ALG1: variants seen among roughly 807,000 people sequenced by gnomAD.
ALG1 encodes the protein chitobiosyldiphosphodolichol beta-mannosyltransferase.
ALG1 carries 58 observed loss-of-function variants against 55.1 expected under a neutral mutation model. That is an observed-to-expected ratio of 1.05 (90% confidence interval 0.85 to 1.31). The LOEUF is 1.31. Ranked by LOEUF, ALG1 falls within the 50% of genes most tolerant of loss-of-function variation. The pLI is 0.00. For missense variants in ALG1, 761 were observed against 598.6 expected, an observed-to-expected ratio of 1.27 and a Z score of -2.83; for synonymous variants, 309 against 247.0, an observed-to-expected ratio of 1.25 and a Z score of -2.35.
At position 5,072,937 on chromosome 16, in the gene ALG1, T is replaced by C. The variant is rs769870335; in HGVS notation, c.209-14T>C. 3 of 1,612,120 alleles carry C rather than the reference T, an allele frequency of 1.9e-6. No homozygotes were observed. The highest frequency in any genetic ancestry group is 2.5e-6 in the Non-Finnish European group (3 of 1,178,150). On this transcript the variant is annotated splice_polypyrimidine_tract_variant and intron_variant, in intron 1 of 12. Transcript: ENST00000262374. Reference sequence around the variant, plus strand: ...TGCTTCTGGTACATTAAAGGGATCATTCTCATTTTTCAGACTCCAAACCCC... The same window carrying C: ...TGCTTCTGGTACATTAAAGGGATCACTCTCATTTTTCAGACTCCAAACCCC...
In ALG1 at chr16:5,071,987, CCCCCGTATG is replaced by C; in HGVS notation, c.140_148del (p.Pro47_Met49del). On this transcript the variant is annotated inframe_deletion, in exon 1 of 13. Transcript: ENST00000262374. ...TGGTGCTGGGCGACGTGGGCCGCAG[CCCCCGTATG>C]CAGTACCACGCGCTGTCGTTGGCCA... is the stretch of plus-strand genomic sequence containing the variant. The C allele has an allele frequency of 6.3e-7, 1 of 1,596,002 alleles. No homozygotes were observed.
chr16:5,072,011 G>T lies in ALG1; in HGVS notation c.162G>T (p.Leu54=), dbSNP rs2142698659. ...GRSPRMQYHA[L]SLAMHGFSVT... ...GCCCCCGTATGCAGTACCACGCGCT[G>T]TCGTTGGCCATGCACGGCTTCTCGG... is the stretch of plus-strand genomic sequence containing the variant. The change falls in exon 1 of 13, where the codon CTG becomes CTT. Residue 54 remains leucine (L), a synonymous_variant. Coordinates refer to ENST00000262374, the MANE Select transcript of ALG1 (RefSeq NM_019109.5). 6.3e-7 allele frequency: 1 copy of T among 1,598,104 alleles called. No individual in the cohort carries two copies. The highest frequency in any genetic ancestry group is 8.5e-7 in the Non-Finnish European group (1 of 1,172,120).
chr16:5,081,089 C>T (rs1320230922), intron 10 of ALG1, 33 bp downstream of exon 10: 18 of 281,402 alleles, frequency 6.4e-5, no homozygotes, highest in African/African-American at 2.4e-4. Flanking sequence ...AGGGAGGAGG[C>T]GGGGGGAACA....
Position 5,077,976 on chromosome 16 carries a change from C to T in ALG1, c.699C>T (p.Leu233=), listed in dbSNP as rs754386350. 9 of 1,602,980 alleles carry T rather than the reference C, an allele frequency of 5.6e-6. No homozygotes were observed. The South Asian group carries it at 8.8e-5, about 16-fold the overall frequency. The change falls in exon 6 of 13, where the codon CTC becomes CTT. Residue 233 remains leucine, a synonymous_variant. Coordinates refer to ENST00000262374, the MANE Select transcript of ALG1 (RefSeq NM_019109.5). ...KETPLDLQHR[L]FMKLGSMHSP... is the part of the protein sequence containing the mutation. ...CACCTCTGGACCTGCAGCACCGGCT[C>T]TTCATGAAGCTGGGCAGCATGCACT...
At position 5,073,174 on chromosome 16, in the gene ALG1, A is replaced by G; in HGVS notation, c.308A>G (p.Tyr103Cys). 4 of 1,614,152 alleles carry G rather than the reference A, an allele frequency of 2.5e-6. No individual in the cohort carries two copies. The highest frequency in any genetic ancestry group is 3.4e-6 in the Non-Finnish European group (4 of 1,180,030). ...GCAGTTGGGCCCCGAGTTTTCCAGT[A>G]CGGAGTCAAAGTTGTACTTCAGGCT... ...SLAVGPRVFQYGVKVVLQAMY... is the reference protein window; with the variant it reads ...SLAVGPRVFQCGVKVVLQAMY... Residue 103 changes from tyrosine (Y) to cysteine (C), a missense_variant, in exon 3 of 13, where the codon TAC (tyrosine) becomes TGC (cysteine). By Grantham distance (194) the Tyr-to-Cys change is radical. Coordinates refer to ENST00000262374, the MANE Select transcript of ALG1 (RefSeq NM_019109.5).
chr16:5,075,053 C>T (rs1164222729), intron 3 of ALG1, among the ~76,000 whole-genome samples: 2 of 151,996 alleles, frequency 1.3e-5, no homozygotes, highest in African/African-American at 4.8e-5. Flanking sequence ...GCAGGTGTGT[C>T]CCACCACACC....
rs757427972 is a variant in ALG1, at chr16:5,077,923, G to T, written c.646G>T (p.Asp216Tyr). 1 of 1,608,066 alleles carries T rather than the reference G, an allele frequency of 6.2e-7. No homozygotes were observed. Among genetic ancestry groups the T allele is most frequent in the Non-Finnish European group, 8.5e-7 (1 of 1,179,832 alleles). ...TCATTGCAGGGCTGTGACCGTCTAC[G>T]ACAAGCCCGCATCTTTCTTTAAAGA... is the stretch of plus-strand genomic sequence containing the variant. ...NWHIRAVTVY[D>Y]KPASFFKETP... Residue 216 changes from aspartate to tyrosine, a missense_variant, in exon 6 of 13, where the codon GAC becomes TAC. Coordinates refer to ENST00000262374, the MANE Select transcript of ALG1 (RefSeq NM_019109.5).
In ALG1 at chr16:5,077,893, T is replaced by A; in HGVS notation, c.630-14T>A. 1.2e-6 allele frequency: 2 copies of A among 1,607,462 alleles called. No homozygotes were observed. The highest frequency in any genetic ancestry group is 1.7e-6 in the Non-Finnish European group (2 of 1,179,628). On this transcript the variant is annotated splice_polypyrimidine_tract_variant and intron_variant, in intron 5 of 12. Transcript: ENST00000262374. Reference sequence around the variant, plus strand: ...TTCAGCCCTCCCAATAGCCCCGTCATGATTTCATTGCAGGGCTGTGACCGT... The same window carrying A: ...TTCAGCCCTCCCAATAGCCCCGTCAAGATTTCATTGCAGGGCTGTGACCGT...
At chr16:5,072,245 T>C in intron 1 of ALG1, 188 bp downstream of exon 1, 1 of 1,499,834 alleles carries the variant, frequency 6.7e-7, no homozygotes, top group Non-Finnish European at 8.8e-7. Flanking sequence ...GCGTTAATCT[T>C]GCCACGTGTC....
At chr16:5,072,095 C>T (rs1956827095) in intron 1 of ALG1, 38 bp downstream of exon 1, 4 of 1,551,992 alleles carry the variant, frequency 2.6e-6, no homozygotes, top group East Asian at 2.4e-5. Context: ...GATGCTCTCT[C>T]AGCCGTTGAT....
chr16:5,082,472 C>G, intron 10 of ALG1, 87 bp from the exon 11 acceptor site: 1 of 1,432,610 alleles, frequency 7.0e-7, no homozygotes, highest in Non-Finnish European at 9.7e-7. Context: ...TTTCACTCTC[C>G]TTGGGGGATG....
In ALG1 at chr16:5,079,765, C is replaced by G. The variant is rs368735974; in HGVS notation, c.919C>G (p.Leu307Val). 1.1e-5 allele frequency: 17 copies of G among 1,611,626 alleles called. No individual in the cohort carries two copies. In the African/African-American group the frequency reaches 1.7e-4, roughly 16 times the overall value. ...AALEKFEQLT[L>V]DGHNLPSLVC... is the part of the protein sequence containing the mutation. ...AAACACAGAGTTTGAACAACTGACT[C>G]TTGATGGACACAACCTTCCTTCTCT... The change falls in exon 9 of 13, where the codon CTT becomes GTT. Residue 307 changes from leucine to valine, a missense_variant. Transcript: ENST00000262374.
intron 1 of ALG1, 42 bp downstream of exon 1, chr16:5,072,099 C>T (rs1024408169): frequency 1.2e-5 from 19 of 1,551,218 alleles, no homozygotes; most frequent in Non-Finnish European, 1.6e-5. Flanking sequence ...CTCTCTCAGC[C>T]GTTGATCCTC....
In ALG1 at chr16:5,073,017, A is replaced by G. The variant is rs761747926; in HGVS notation, c.275A>G (p.Gln92Arg). 3.1e-6 allele frequency: 5 copies of G among 1,614,210 alleles called. No homozygotes were observed. Among genetic ancestry groups the G allele is most frequent in the Non-Finnish European group, 4.2e-6 (5 of 1,180,026 alleles). ...CAGATTGTGGGGTTGACAGAACTTC[A>G]GAGTCTTGCAGGTAGGATGCCGTCA... ...RIQIVGLTELQSLAVGPRVFQ... is the reference protein window; with the variant it reads ...RIQIVGLTELRSLAVGPRVFQ... Residue 92 changes from glutamine to arginine, a missense_variant, in exon 2 of 13, where the codon CAG becomes CGG. Transcript: ENST00000262374.
chr16:5,080,978 C>T lies in ALG1; in HGVS notation c.994C>T (p.Leu332Phe), dbSNP rs1957007425. ...GCCTCTGAGGGAGTATTATAGCCGC[C>T]TCATCCACCAGAAGCACTTCCAGCA... ...KGPLREYYSRLIHQKHFQHIQ... is the reference protein window; with the variant it reads ...KGPLREYYSRFIHQKHFQHIQ... Residue 332 changes from leucine (L) to phenylalanine (F), a missense_variant, in exon 10 of 13, where the codon CTC (leucine) becomes TTC (phenylalanine). Transcript: ENST00000262374. 6.3e-7 allele frequency: 1 copy of T among 1,596,280 alleles called. No individual in the cohort carries two copies. The highest frequency in any genetic ancestry group is 8.5e-7 in the Non-Finnish European group (1 of 1,179,752).
At position 5,075,389 on chromosome 16, in the gene ALG1, AC is replaced by A. The variant is rs1956891800; in HGVS notation, c.398del (p.Pro133GlnfsTer59). The A allele has an allele frequency of 6.2e-7, 1 of 1,613,576 alleles. No homozygotes were observed. Among genetic ancestry groups the A allele is most frequent in the Non-Finnish European group, 8.5e-7 (1 of 1,179,860 alleles). On this transcript the variant is annotated frameshift_variant and splice_region_variant, in exon 4 of 13. Coordinates refer to ENST00000262374, the MANE Select transcript of ALG1 (RefSeq NM_019109.5). LOFTEE classifies it high-confidence loss of function. ...CCTTCAAGTCTCTATCTTTCCTAGA[AC>A]CCCCCAGGTCTGCCTAGCATTGCTG... ...REPGAYIFLQ[N>X]PPGLPSIAVC...
intron 3 of ALG1, among the ~76,000 whole-genome samples, chr16:5,074,727 C>T (rs1956877901): frequency 6.6e-6 from 1 of 152,110 alleles, no homozygotes; most frequent in Non-Finnish European, 1.5e-5. Context: ...TCAGTTTGGC[C>T]CCCGCTGAGT....
chr16:5,076,948 C>G lies in ALG1; in HGVS notation c.540-497C>G, dbSNP rs1204726942. 1.3e-5 allele frequency among the ~76,000 whole-genome samples: 2 copies of G among 152,180 alleles called. 1 individual carries two copies. Among genetic ancestry groups the G allele is most frequent in the South Asian group, 4.1e-4 (2 of 4,826 alleles). ...TAGCTGGGATTATAGGCACCCACCA[C>G]CACGCCTGGCTAATTTTTGTGTTTT... On this transcript the variant is annotated intron_variant, in intron 4 of 12. Coordinates refer to ENST00000262374, the MANE Select transcript of ALG1 (RefSeq NM_019109.5).
In ALG1 at chr16:5,072,071, G is replaced by GGTCT. The variant is rs35400794; in HGVS notation, c.208+16_208+19dup. Reference sequence around the variant, plus strand: ...TGGGGTTCTGCAGTGAGTGGCCAAGGGTCTGGGAGGGACGATGCTCTCTCA... The same window carrying GGTCT: ...TGGGGTTCTGCAGTGAGTGGCCAAGGGTCTGTCTGGGAGGGACGATGCTCTCTCA... On this transcript the variant is annotated intron_variant, in intron 1 of 12. Transcript: ENST00000262374. 879,574 of 1,557,476 alleles carry GGTCT rather than the reference G, an allele frequency of 0.56. 250,491 individuals are homozygous for GGTCT. The highest frequency in any genetic ancestry group is 0.68 in the South Asian group (57,815 of 84,840).
Sources: gnomAD v4.1 joint callset for allele counts (sites outside exome capture counted in the v4.1 genomes callset) on GRCh38, gnomAD v4.1.1 for gene constraint, MANE v1.5 for transcripts, NCBI Gene and HGNC (gene_info 2026-07-23, HGNC 2026-07-21) for gene names.